The following DNAH6 variants were observed in gnomAD, a reference collection of about 807,000 sequenced individuals.
DNAH6 encodes dynein axonemal heavy chain 6.
Under a neutral mutation model 491.4 loss-of-function variants are expected in DNAH6, and 340 were observed. That is an observed-to-expected ratio of 0.69 (90% CI 0.63 to 0.76). The LOEUF (loss-of-function observed/expected upper bound fraction) is 0.76, where lower values mean the gene tolerates loss of function less well. Ranked by LOEUF, DNAH6 falls within the 30% of genes least tolerant of loss-of-function variation. DNAH6 has a pLI of 0.00. For synonymous variants in DNAH6, 1,603 were observed against 1,686.1 expected (o/e 0.95, Z 1.21); for missense variants, 4,443 against 4,972.2 (o/e 0.89, Z 3.20).
chr2:84,705,728 A>G lies in DNAH6; in HGVS notation c.8708A>G (p.Gln2903Arg), dbSNP rs1236151315. The G allele has an allele frequency of 8.4e-6, 13 of 1,550,652 alleles. No individual in the cohort carries two copies. Among genetic ancestry groups the G allele is most frequent in the Non-Finnish European group, 1.1e-5 (13 of 1,146,658 alleles). Residue 2903 changes from glutamine (Q) to arginine (R), a missense_variant, in exon 52 of 77, where the codon CAA becomes CGA. This residue lies in a region of DNAH6 where 1,463 missense variants were observed against 1,656.6 expected (regional missense o/e 0.88). Transcript: ENST00000389394. ...RVVKVVEPKR[Q>R]KLRAAQAELD... ...GTCAAGGTCGTCGAACCAAAAAGAC[A>G]AAAGCTCCGCGCCGCACAGGTACAT...
intron 76 of DNAH6, 64 bp from the exon 77 acceptor site, chr2:84,819,241 C>T: frequency 8.3e-7 from 1 of 1,205,478 alleles, no homozygotes. Flanking sequence ...TTTGTAGCCT[C>T]TCTCTTTGTA....
chr2:84,808,277 A>G (rs1027124305), intron 71 of DNAH6, 138 bp from the exon 72 acceptor site: 1 of 964,904 alleles, frequency 1.0e-6, no homozygotes, highest in African/African-American at 1.7e-5. Flanking sequence ...GAAACATCAC[A>G]TTTAAATCCT....
the DNAH6 span, among the ~76,000 whole-genome samples, chr2:84,501,432 T>G: frequency 6.6e-6 from 1 of 151,856 alleles, no homozygotes; most frequent in Non-Finnish European, 1.5e-5. Flanking sequence ...TTGCTAGTAT[T>G]TTACTGAGGA....
chr2:84,660,574 A>G (rs190703400), intron 37 of DNAH6, among the ~76,000 whole-genome samples: 4 of 152,142 alleles, frequency 2.6e-5, no homozygotes, highest in Non-Finnish European at 4.4e-5. Context: ...TAGTGGGTAG[A>G]GGTTTCATGA....
At chr2:84,672,909 T>C (rs1692871289) in intron 40 of DNAH6, among the ~76,000 whole-genome samples, 1 of 152,244 alleles carries the variant, frequency 6.6e-6, no homozygotes, top group African/African-American at 2.4e-5. Flanking sequence ...ACATGTGGCC[T>C]CAGTTTTTCC....
At chr2:84,692,395 A>G (rs2104784047) in intron 45 of DNAH6, among the ~76,000 whole-genome samples, 1 of 151,952 alleles carries the variant, frequency 6.6e-6, no homozygotes, top group African/African-American at 2.4e-5. Flanking sequence ...TGTTTTCTTC[A>G]ATTATCAACA....
chr2:84,575,480 A>G (rs74572837), intron 12 of DNAH6, among the ~76,000 whole-genome samples: 4,368 of 152,308 alleles, frequency 0.029, 227 homozygotes, highest in African/African-American at 0.099. Flanking sequence ...TAGTATTACC[A>G]TTTTATAAAA....
At position 84,792,268 on chromosome 2, in the gene DNAH6, T is replaced by A. The variant is rs189341416; in HGVS notation, c.11240-4038T>A. On this transcript the variant is annotated intron_variant, in intron 68 of 76. Transcript: ENST00000389394. ...GTTGTTGTTCAGTATAAAGTTATAG[T>A]TATACAAGATGAGTAAGTTAGAGAT... Among the ~76,000 whole-genome samples, 452 of 152,302 alleles carry A rather than the reference T, an allele frequency of 3.0e-3. 3 individuals carry two copies. The highest frequency in any genetic ancestry group is 0.011 in the African/African-American group (442 of 41,562).
chr2:84,538,571 T>A (rs1243470661), intron 4 of DNAH6, among the ~76,000 whole-genome samples: 2 of 152,170 alleles, frequency 1.3e-5, no homozygotes, highest in Non-Finnish European at 2.9e-5. Context: ...TTTCCCTATG[T>A]GTCTTTCCAA....
chr2:84,603,614 C>T (rs937240965), intron 18 of DNAH6, among the ~76,000 whole-genome samples: 10 of 152,142 alleles, frequency 6.6e-5, no homozygotes, highest in Non-Finnish European at 1.3e-4. Flanking sequence ...TCTCAGAATT[C>T]CTATCACAGG....
intron 17 of DNAH6, 69 bp downstream of exon 17, chr2:84,594,154 G>A (rs1352552985): frequency 3.5e-6 from 3 of 864,498 alleles, no homozygotes; most frequent in Non-Finnish European, 5.4e-6. Flanking sequence ...CTAATAATTT[G>A]AATTATAACT....
Position 84,785,730 on chromosome 2 carries a change from ATTTG to A in DNAH6, c.11078_11081del (p.Cys3693SerfsTer33). The A allele has an allele frequency of 6.5e-7, 1 of 1,545,742 alleles. No individual in the cohort carries two copies. ...AAAATGGAGACAAATAATATTTGGC[ATTTG>A]TTTCTTCCATGCAATTATTCAGGTA... On this transcript the variant is annotated frameshift_variant, in exon 67 of 77. Coordinates refer to ENST00000389394, the MANE Select transcript of DNAH6 (RefSeq NM_001370.2). LOFTEE classifies it high-confidence loss of function.
the DNAH6 span, among the ~76,000 whole-genome samples, chr2:84,471,380 G>A: frequency 2.0e-5 from 3 of 152,046 alleles, no homozygotes; most frequent in African/African-American, 4.8e-5. Context: ...TGAATGTTTC[G>A]CACATATCTC....
At chr2:84,786,688 T>TG (rs1290817212) in intron 67 of DNAH6, among the ~76,000 whole-genome samples, 1 of 152,014 alleles carries the variant, frequency 6.6e-6, no homozygotes, top group Non-Finnish European at 1.5e-5. Flanking sequence ...CAAAGGAAGT[T>TG]GGGGGAGGAT....
At chr2:84,547,468 C>T (rs1200962350) in intron 6 of DNAH6, 24 bp from the exon 7 acceptor site, 1 of 1,551,568 alleles carries the variant, frequency 6.4e-7, no homozygotes, top group Non-Finnish European at 8.7e-7. Context: ...GTATCACTAA[C>T]TGTACATATT....
In DNAH6 at chr2:84,713,205, A is replaced by G; in HGVS notation, c.9489A>G (p.Lys3163=). Residue 3163 remains lysine, a synonymous_variant, in exon 57 of 77, where the codon AAA becomes AAG. Coordinates refer to ENST00000389394, the MANE Select transcript of DNAH6 (RefSeq NM_001370.2). The part of the protein sequence containing the change: ...RLGDSDIDYD[K]NFRFYMTTKM... ...GAGACTCAGACATTGATTATGACAA[A>G]AACTTTAGGTTCTATATGACAACCA... 6.4e-7 allele frequency: 1 copy of G among 1,552,154 alleles called. No homozygotes were observed. The highest frequency in any genetic ancestry group is 1.4e-5 in the African/African-American group (1 of 73,184).
rs763190474 is a variant in DNAH6 at position 84,672,443 on chromosome 2, G to C, written c.6571G>C (p.Gly2191Arg). ...ACTTCGGCAGTATCAAGATTTTGGG[G>C]GATTTTATGACAGAAACAAACTGTT... Reference protein sequence around the residue: ...ELLRQYQDFGGFYDRNKLFWK... With the variant: ...ELLRQYQDFGRFYDRNKLFWK... Residue 2191 changes from glycine to arginine, a missense_variant, in exon 40 of 77, where the codon GGA becomes CGA. This residue lies in a region of DNAH6 where 2,977 missense variants were observed against 3,296.6 expected (regional missense o/e 0.90). Coordinates refer to ENST00000389394, the MANE Select transcript of DNAH6 (RefSeq NM_001370.2). The C allele has an allele frequency of 6.4e-7, 1 of 1,551,236 alleles. No homozygotes were observed. The highest frequency in any genetic ancestry group is 2.0e-5 in the Admixed American group (1 of 50,960).
chr2:84,761,850 G>A (rs918270473), intron 63 of DNAH6, among the ~76,000 whole-genome samples: 8 of 151,768 alleles, frequency 5.3e-5, no homozygotes, highest in African/African-American at 1.9e-4. Flanking sequence ...ACAGAACGGT[G>A]TTGATAGCTA....
chr2:84,759,828 A>G (rs1219215064), intron 63 of DNAH6, among the ~76,000 whole-genome samples: 1 of 152,162 alleles, frequency 6.6e-6, no homozygotes, highest in Non-Finnish European at 1.5e-5. Flanking sequence ...GAAAAAAGAA[A>G]AAAGCTGGAA....
Sources: gnomAD v4.1 joint callset for allele counts (sites outside exome capture counted in the v4.1 genomes callset) on GRCh38, gnomAD v4.1.1 for gene constraint, gnomAD v4.1.1 regional missense constraint, MANE v1.5 for transcripts, NCBI Gene and HGNC (gene_info 2026-07-23, HGNC 2026-07-21) for gene names.